FSTL4: variants seen among roughly 807,000 people sequenced by gnomAD.
The protein encoded by FSTL4 is follistatin like 4, also known as follistatin-related protein 4.
A neutral mutation model predicts 78.2 loss-of-function variants in FSTL4; 28 were observed. That is an observed-to-expected ratio of 0.36 (90% confidence interval 0.27 to 0.49). The LOEUF is 0.49. Among genes scored for constraint, FSTL4 ranks in the 20% least tolerant of loss-of-function variants. The pLI is 0.98. For synonymous variants in FSTL4, 422 were observed against 440.5 expected, an observed-to-expected ratio of 0.96 and a Z score of 0.53; for missense variants, 922 against 1,084.9, an observed-to-expected ratio of 0.85 and a Z score of 2.11.
chr5:133,514,364 G>A (rs1326724643), intron 3 of FSTL4, among the ~76,000 whole-genome samples: 1 of 152,028 alleles, frequency 6.6e-6, no homozygotes, highest in East Asian at 1.9e-4. Flanking sequence ...TTAGAAAAAG[G>A]AGTGCAAGAG....
intron 2 of FSTL4, among the ~76,000 whole-genome samples, chr5:133,571,633 G>A (rs1048145891): frequency 6.6e-5 from 10 of 152,068 alleles, no homozygotes; most frequent in Admixed American, 1.3e-4. Context: ...CAAAATCTCC[G>A]AAATCACCAC....
Position 133,199,107 on chromosome 5 carries a change from C to T in FSTL4, c.2517G>A (p.Val839=). Residue 839 remains valine (V), a synonymous_variant, in exon 16 of 16, where the codon GTG becomes GTA. Coordinates refer to ENST00000265342, the MANE Select transcript of FSTL4 (RefSeq NM_015082.2). The surrounding 1 kb of genome is among the most constrained non-coding windows in gnomAD (Gnocchi z 4.4). ...GIKGGTTVVW[V]GEV is the part of the protein sequence containing the mutation. Reference sequence around the variant, plus strand: ...TGCTCTGGGCCCTTCATACCTCACCCACCCACACCACTGTGGTCCCCCCCT... The same window carrying T: ...TGCTCTGGGCCCTTCATACCTCACCTACCCACACCACTGTGGTCCCCCCCT... 1 of 1,542,808 alleles carries T rather than the reference C, an allele frequency of 6.5e-7. No homozygotes were observed. Among genetic ancestry groups the T allele is most frequent in the Non-Finnish European group, 8.8e-7 (1 of 1,141,314 alleles).
intron 2 of FSTL4, among the ~76,000 whole-genome samples, chr5:133,589,697 GA>G (rs1760584433): frequency 6.6e-6 from 1 of 152,100 alleles, no homozygotes; most frequent in Non-Finnish European, 1.5e-5. Flanking sequence ...AGGAGGAGGG[GA>G]TGCCTCCTCT....
chr5:133,237,991 C>T (rs765317010), intron 7 of FSTL4, among the ~76,000 whole-genome samples: 1 of 152,106 alleles, frequency 6.6e-6, no homozygotes, highest in Non-Finnish European at 1.5e-5. Context: ...ATTTTAAAGA[C>T]ATGGTTCTCA....
At chr5:133,581,645 T>C (rs575145929) in intron 2 of FSTL4, among the ~76,000 whole-genome samples, 299 of 152,360 alleles carry the variant, frequency 2.0e-3, no homozygotes, top group Non-Finnish European at 3.6e-3. Flanking sequence ...AGGACAGAAG[T>C]GGGCATTTTG....
chr5:133,484,468 T>C (rs1187510680), intron 3 of FSTL4, among the ~76,000 whole-genome samples: 2 of 152,166 alleles, frequency 1.3e-5, no homozygotes, highest in East Asian at 3.9e-4. Flanking sequence ...CTAGCCCACA[T>C]GAGAGAAAAG....
At chr5:133,791,445 G>A in the FSTL4 span, among the ~76,000 whole-genome samples, 6 of 152,150 alleles carry the variant, frequency 3.9e-5, no homozygotes, top group Non-Finnish European at 7.3e-5. Flanking sequence ...TCACATAGGA[G>A]TGATATTTGT....
intron 4 of FSTL4, among the ~76,000 whole-genome samples, chr5:133,344,881 G>C (rs1754663196): frequency 6.6e-6 from 1 of 151,782 alleles, no homozygotes; most frequent in Non-Finnish European, 1.5e-5. Flanking sequence ...ACCTGGCTTA[G>C]CTCTTCTGTT....
the FSTL4 span, among the ~76,000 whole-genome samples, chr5:133,679,622 C>T: frequency 1.3e-5 from 2 of 152,128 alleles, no homozygotes; most frequent in Non-Finnish European, 2.9e-5. Context: ...CTAGGCCTCA[C>T]CTGGGAATTC....
intron 3 of FSTL4, among the ~76,000 whole-genome samples, chr5:133,469,386 T>C (rs532038326): frequency 8.5e-5 from 13 of 152,112 alleles, no homozygotes; most frequent in South Asian, 2.1e-4. Context: ...CAGAGCTGCA[T>C]TGAGATGTGG....
At chr5:133,537,739 T>C (rs955941402) in intron 3 of FSTL4, among the ~76,000 whole-genome samples, 8 of 152,022 alleles carry the variant, frequency 5.3e-5, no homozygotes, top group African/African-American at 1.9e-4. Context: ...ATACTTTATC[T>C]CAGATTTAGC....
the FSTL4 span, among the ~76,000 whole-genome samples, chr5:133,665,150 C>T: frequency 6.6e-6 from 1 of 152,148 alleles, no homozygotes; most frequent in Non-Finnish European, 1.5e-5. Context: ...CTAAGACCCC[C>T]AAAAGTATGA....
chr5:133,669,044 G>T, the FSTL4 span, among the ~76,000 whole-genome samples: 6 of 152,208 alleles, frequency 3.9e-5, no homozygotes, highest in African/African-American at 1.4e-4. Flanking sequence ...TCACAATTCA[G>T]GATATTTTAA....
the FSTL4 span, among the ~76,000 whole-genome samples, chr5:133,647,198 CAGG>C: frequency 2.0e-5 from 3 of 152,090 alleles, no homozygotes; most frequent in African/African-American, 7.2e-5. Flanking sequence ...TTGGTGGCAT[CAGG>C]AGAAGATACA....
chr5:133,266,032 A>G (rs902276497), intron 6 of FSTL4, among the ~76,000 whole-genome samples: 3 of 152,204 alleles, frequency 2.0e-5, no homozygotes, highest in African/African-American at 7.2e-5. Context: ...CCAGGCCCAC[A>G]TAGAGTGGCT....
intron 4 of FSTL4, among the ~76,000 whole-genome samples, chr5:133,332,203 C>T (rs1280996862): frequency 6.6e-6 from 1 of 152,242 alleles, no homozygotes; most frequent in Admixed American, 6.5e-5. Flanking sequence ...TGCATCTGCA[C>T]TGCTCACTCC....
upstream of FSTL4, among the ~76,000 whole-genome samples, chr5:133,616,408 T>C (rs145309447): frequency 4.3e-3 from 652 of 152,098 alleles, 3 homozygotes; most frequent in Non-Finnish European, 5.6e-3. Context: ...CTTTTCCTCT[T>C]CTTTTCTTTT....
chr5:133,334,817 A>G (rs766946999), intron 4 of FSTL4, among the ~76,000 whole-genome samples: 41 of 152,256 alleles, frequency 2.7e-4, no homozygotes, highest in Admixed American at 5.2e-4. Flanking sequence ...AGACTCTGCC[A>G]TCCTGGGCTG....
rs201516386 is a variant in FSTL4 at position 133,199,221 on chromosome 5, A to C, written c.2403T>G (p.Phe801Leu). 1.9e-6 allele frequency: 3 copies of C among 1,613,458 alleles called. No individual in the cohort carries two copies. The highest frequency in any genetic ancestry group is 2.7e-5 in the African/African-American group (2 of 74,884). ...GGGCTGGTGTGAGGAGGTACTGTCC[A>C]AACAGCCCACTGTCCCTCATGATTC... ...THRIMRDSGLFGQYLLTPARE... is the reference protein window; with the variant it reads ...THRIMRDSGLLGQYLLTPARE... Residue 801 changes from phenylalanine (F) to leucine (L), a missense_variant, in exon 16 of 16, where the codon TTT (phenylalanine) becomes TTG (leucine). Physicochemically the swap from Phe to Leu is conservative, Grantham distance 22. Coordinates refer to ENST00000265342, the MANE Select transcript of FSTL4 (RefSeq NM_015082.2). This position sits in a 1 kb window ranked among gnomAD's most constrained non-coding sequence, Gnocchi z 4.4.
Sources: allele counts gnomAD v4.1 joint callset (sites outside exome capture counted in the v4.1 genomes callset), GRCh38; gene constraint gnomAD v4.1.1; non-coding constraint Gnocchi (gnomAD v3.1); transcripts MANE v1.5; gene names NCBI Gene and HGNC (gene_info 2026-07-23, HGNC 2026-07-21).